CHRM3: variants seen among roughly 807,000 people sequenced by gnomAD.
CHRM3 encodes muscarinic acetylcholine receptor M3.
Under a neutral mutation model 41.8 loss-of-function variants are expected in CHRM3, and 11 were observed. The observed-to-expected ratio is 0.26, with a 90% confidence interval of 0.17 to 0.44. CHRM3 has a LOEUF of 0.44. Among genes scored for constraint, CHRM3 ranks in the 20% least tolerant of loss-of-function variants. The probability of loss-of-function intolerance (pLI) is 1.00; values close to 1 mark genes in which losing one functional copy is unlikely to be tolerated. For synonymous variants in CHRM3, 297 were observed against 301.4 expected, an observed-to-expected ratio of 0.99 and a Z score of 0.15; for missense variants, 571 against 745.4, an observed-to-expected ratio of 0.77 and a Z score of 2.72.
chr1:239,397,595 C>G (rs1659596304), intron 1 of CHRM3, among the ~76,000 whole-genome samples: 1 of 151,596 alleles, frequency 6.6e-6, no homozygotes. Flanking sequence ...TCTCTTGAAC[C>G]CGGGAGGCAG....
At chr1:239,598,142 C>T (rs1665026864) in intron 3 of CHRM3, among the ~76,000 whole-genome samples, 1 of 152,106 alleles carries the variant, frequency 6.6e-6, no homozygotes, top group Non-Finnish European at 1.5e-5. Flanking sequence ...GCAGGTGAGG[C>T]TCTCCCTCCT....
At chr1:239,630,135 T>A (rs768750368) in intron 3 of CHRM3, among the ~76,000 whole-genome samples, 2 of 152,230 alleles carry the variant, frequency 1.3e-5, no homozygotes, top group Non-Finnish European at 2.9e-5. Context: ...TCATTTATTG[T>A]CTCCCAATTC....
chr1:239,890,430 A>T (rs1022164389), intron 6 of CHRM3, among the ~76,000 whole-genome samples: 10 of 152,166 alleles, frequency 6.6e-5, no homozygotes, highest in Admixed American at 3.9e-4. Flanking sequence ...CTGCTACTTA[A>T]CTAGTCAAAT....
intron 4 of CHRM3, among the ~76,000 whole-genome samples, chr1:239,676,434 C>T (rs1002060740): frequency 6.6e-6 from 1 of 152,156 alleles, no homozygotes; most frequent in African/African-American, 2.4e-5. Context: ...CTGCCCCATG[C>T]TTGCATTTAT....
chr1:239,727,128 C>T (rs1361619970), intron 5 of CHRM3, among the ~76,000 whole-genome samples: 1 of 151,796 alleles, frequency 6.6e-6, no homozygotes, highest in Non-Finnish European at 1.5e-5. Flanking sequence ...CAAAATAAAG[C>T]ACTAACAATG....
At chr1:239,649,199 A>T (rs942175677) in intron 4 of CHRM3, among the ~76,000 whole-genome samples, 6 of 152,088 alleles carry the variant, frequency 3.9e-5, no homozygotes, top group Non-Finnish European at 7.4e-5. Context: ...GGAGGTTACA[A>T]GGGATTAGTG....
rs539392740 is a variant in CHRM3, at chr1:239,397,039, T to A, written c.-521+9812T>A. Among the ~76,000 whole-genome samples, 7 of 152,306 alleles carry A rather than the reference T, an allele frequency of 4.6e-5. No individual in the cohort carries two copies. The South Asian group carries it at 1.4e-3, about 32-fold the overall frequency. On this transcript the variant is annotated intron_variant, in intron 1 of 6. Coordinates refer to ENST00000676153, the MANE Select transcript of CHRM3 (RefSeq NM_001375978.1). ...GCAATTTCTCTCTCTGCTCCTCAGA[T>A]TGTGCTAGACTTCGGATCTGTAACA...
intron 5 of CHRM3, among the ~76,000 whole-genome samples, chr1:239,737,243 T>A (rs1487088795): frequency 6.6e-6 from 1 of 152,170 alleles, no homozygotes; most frequent in Non-Finnish European, 1.5e-5. Context: ...AAATAACTTT[T>A]ACAATGCAAT....
At chr1:239,533,585 C>T (rs937389838) in intron 2 of CHRM3, among the ~76,000 whole-genome samples, 2 of 151,230 alleles carry the variant, frequency 1.3e-5, no homozygotes, top group African/African-American at 4.9e-5. Flanking sequence ...AAAAAAATTA[C>T]CTGTGCATGG....
intron 5 of CHRM3, among the ~76,000 whole-genome samples, chr1:239,702,567 A>G (rs1287912260): frequency 6.6e-6 from 1 of 152,226 alleles, no homozygotes; most frequent in Non-Finnish European, 1.5e-5. Context: ...ATATTAACTT[A>G]ATGTCTACCA....
chr1:239,516,288 A>G (rs997982090), intron 2 of CHRM3, among the ~76,000 whole-genome samples: 4 of 152,206 alleles, frequency 2.6e-5, no homozygotes, highest in African/African-American at 9.6e-5. Context: ...AGAAATTTGC[A>G]AAGAGTTTCT....
At chr1:239,517,705 T>C (rs1233845319) in intron 2 of CHRM3, among the ~76,000 whole-genome samples, 3 of 152,276 alleles carry the variant, frequency 2.0e-5, no homozygotes, top group East Asian at 3.9e-4. Context: ...CAGGCACTAC[T>C]TTTATCTTTA....
chr1:239,890,137 A>G (rs1010710324), intron 6 of CHRM3, among the ~76,000 whole-genome samples: 6 of 152,026 alleles, frequency 3.9e-5, no homozygotes, highest in Non-Finnish European at 7.4e-5. Context: ...CCCCGTCTCT[A>G]CCAAAAGTAT....
At chr1:239,656,058 T>C (rs1452257508) in intron 4 of CHRM3, among the ~76,000 whole-genome samples, 3 of 152,102 alleles carry the variant, frequency 2.0e-5, no homozygotes, top group Non-Finnish European at 4.4e-5. Context: ...AAATAGAAAC[T>C]GAGTTACTGT....
chr1:239,514,233 A>T (rs1382170074), intron 2 of CHRM3, among the ~76,000 whole-genome samples: 1 of 152,132 alleles, frequency 6.6e-6, no homozygotes, highest in Non-Finnish European at 1.5e-5. Flanking sequence ...AAGAACTGAC[A>T]TCTTCACAAT....
intron 1 of CHRM3, among the ~76,000 whole-genome samples, chr1:239,459,597 A>C (rs1665207512): frequency 6.6e-6 from 1 of 152,182 alleles, no homozygotes; most frequent in South Asian, 2.1e-4. Context: ...ATTATACTTA[A>C]ATGAAAGCAA....
chr1:239,440,166 C>T lies in CHRM3; in HGVS notation c.-520-52543C>T, dbSNP rs574463342. On this transcript the variant is annotated intron_variant, in intron 1 of 6. Coordinates refer to ENST00000676153, the MANE Select transcript of CHRM3 (RefSeq NM_001375978.1). ...TGAGCTGAAATAGTGCCACTGTACT[C>T]TAGTCTGGGTGACAGAGTGAGACTC... 2.1e-5 allele frequency among the ~76,000 whole-genome samples: 3 copies of T among 143,736 alleles called. 1 individual carries two copies. In the South Asian group the frequency reaches 7.0e-4, roughly 33 times the overall value. The allele number at this position is 143,736 out of a possible 152,430, so 94.3% of individuals were successfully genotyped here. A position where few individuals can be genotyped will look rare whatever the true frequency, so the allele number is the denominator to read the frequency against.
At chr1:239,603,110 A>C (rs1022464633) in intron 3 of CHRM3, among the ~76,000 whole-genome samples, 1 of 151,970 alleles carries the variant, frequency 6.6e-6, no homozygotes, top group Non-Finnish European at 1.5e-5. Context: ...AATATACAAT[A>C]TTTGTATTTT....
chr1:239,766,535 C>A (rs1158741689), intron 5 of CHRM3, among the ~76,000 whole-genome samples: 1 of 151,862 alleles, frequency 6.6e-6, no homozygotes, highest in Non-Finnish European at 1.5e-5. Flanking sequence ...ATAAAAGCCC[C>A]CCAAAAAGGA....
Sources: allele counts gnomAD v4.1 joint callset (sites outside exome capture counted in the v4.1 genomes callset), GRCh38; gene constraint gnomAD v4.1.1; transcripts MANE v1.5; gene names NCBI Gene and HGNC (gene_info 2026-07-23, HGNC 2026-07-21).